The following ANXA8 variants were observed in gnomAD, a reference collection of about 807,000 sequenced individuals.
ANXA8 encodes VAC-beta.
In ANXA8, 9 loss-of-function variants were observed where a neutral mutation model predicts 26.8. The observed-to-expected ratio is 0.34, with a 90% CI of 0.20 to 0.59. The LOEUF (loss-of-function observed/expected upper bound fraction) is 0.59, where lower values mean the gene tolerates loss of function less well. Among genes scored for constraint, ANXA8 ranks in the 20% least tolerant of loss-of-function variants. The pLI is 0.84. For synonymous variants in ANXA8, 39 were observed against 94.8 expected (o/e 0.41, Z 3.42); for missense variants, 83 against 238.5 (o/e 0.35, Z 4.29).
At chr10:47,695,629 G>C in the ANXA8 span, among the ~76,000 whole-genome samples, 1 of 151,556 alleles carries the variant, frequency 6.6e-6, no homozygotes. Flanking sequence ...TAATCACTTG[G>C]AATTTATACA....
the ANXA8 span, among the ~76,000 whole-genome samples, chr10:47,956,927 G>A: frequency 6.7e-6 from 1 of 150,250 alleles, no homozygotes; most frequent in South Asian, 2.1e-4. Context: ...CCCAGATACA[G>A]GTATAGTCTC....
the ANXA8 span, among the ~76,000 whole-genome samples, chr10:47,966,912 T>C: frequency 2.1e-5 from 3 of 143,568 alleles, no homozygotes. Flanking sequence ...AATCAAGGAG[T>C]TTCCTTCTTA....
At chr10:47,895,530 C>G in the ANXA8 span, among the ~76,000 whole-genome samples, 3 of 142,770 alleles carry the variant, frequency 2.1e-5, no homozygotes, top group African/African-American at 7.9e-5. Flanking sequence ...TTCTGATGCT[C>G]TCTCTAAGAG....
chr10:47,581,807 G>A, the ANXA8 span, among the ~76,000 whole-genome samples: 36 of 150,588 alleles, frequency 2.4e-4, no homozygotes, highest in African/African-American at 8.4e-4. Flanking sequence ...GGGTTTCACC[G>A]TGTTAGCCAG....
At chr10:47,743,329 C>CATATATATATATACACGT in the ANXA8 span, among the ~76,000 whole-genome samples, 1 of 47,788 alleles carries the variant, frequency 2.1e-5, no homozygotes, top group Non-Finnish European at 4.2e-5. Context: ...TATATATATA[C>CATATATATATATACACGT]ATATATATAT....
the ANXA8 span, among the ~76,000 whole-genome samples, chr10:47,696,147 AC>A: frequency 2.6e-5 from 4 of 151,812 alleles, no homozygotes; most frequent in African/African-American, 7.3e-5. Context: ...AAGCTATTAA[AC>A]CTTTTTTATA....
chr10:47,579,143 T>A, the ANXA8 span, among the ~76,000 whole-genome samples: 1 of 142,044 alleles, frequency 7.0e-6, no homozygotes, highest in South Asian at 2.4e-4. Context: ...ATCCAGCCTG[T>A]TTTTGGTTTT....
chr10:47,976,435 T>C, the ANXA8 span, among the ~76,000 whole-genome samples: 15 of 151,506 alleles, frequency 9.9e-5, no homozygotes, highest in African/African-American at 3.6e-4. Context: ...CAGCTAGGCA[T>C]GGTGGCTCAC....
the ANXA8 span, among the ~76,000 whole-genome samples, chr10:47,595,639 G>C: frequency 1.3e-5 from 2 of 148,466 alleles, no homozygotes; most frequent in Non-Finnish European, 3.0e-5. Context: ...CAGATCTTCA[G>C]CCAAAAACAG....
At chr10:47,631,669 T>A in the ANXA8 span, among the ~76,000 whole-genome samples, 6 of 150,218 alleles carry the variant, frequency 4.0e-5, 2 homozygotes, top group Admixed American at 2.6e-4. Context: ...ATTTAAGTTA[T>A]TTTTTTTAAA....
the ANXA8 span, among the ~76,000 whole-genome samples, chr10:47,657,997 T>A: frequency 6.6e-6 from 1 of 151,822 alleles, no homozygotes; most frequent in Non-Finnish European, 1.5e-5. Context: ...CATAGAATGC[T>A]TAATGGTTTA....
chr10:47,989,751 A>G, the ANXA8 span, among the ~76,000 whole-genome samples: 2 of 94,844 alleles, frequency 2.1e-5, 1 homozygote, highest in African/African-American at 6.5e-5. Context: ...TTCCCCTGCT[A>G]TGTGGCTGCC....
At chr10:47,509,229 G>T in the ANXA8 span, among the ~76,000 whole-genome samples, 2 of 118,088 alleles carry the variant, frequency 1.7e-5, no homozygotes, top group Non-Finnish European at 3.3e-5. Flanking sequence ...AGGGACTCTA[G>T]TCAAAGTAAT....
At chr10:47,734,991 G>C in the ANXA8 span, among the ~76,000 whole-genome samples, 1 of 125,586 alleles carries the variant, frequency 8.0e-6, no homozygotes, top group Admixed American at 7.9e-5. Flanking sequence ...TTCAACTCTA[G>C]CCTGGGTGAC....
At chr10:47,681,921 G>C in the ANXA8 span, among the ~76,000 whole-genome samples, 1 of 117,002 alleles carries the variant, frequency 8.5e-6, no homozygotes, top group African/African-American at 3.3e-5. Context: ...TTTCTTCTTC[G>C]ACCTTAGGCG....
At chr10:47,484,398 C>G, upstream of ANXA8, 1 of 1,068,910 alleles carries the variant, frequency 9.4e-7, no homozygotes, top group South Asian at 1.5e-5. Flanking sequence ...TTCATCACTC[C>G]TAATAGCCAT....
At chr10:47,481,506 G>A (rs2132426082) in intron 1 of ANXA8, among the ~76,000 whole-genome samples, 1 of 143,178 alleles carries the variant, frequency 7.0e-6, no homozygotes, top group Admixed American at 7.0e-5. Context: ...CAGGTCATCT[G>A]GGAATGTGGG....
chr10:47,541,422 G>GA, the ANXA8 span, among the ~76,000 whole-genome samples: 6 of 134,920 alleles, frequency 4.4e-5, no homozygotes, highest in African/African-American at 1.4e-4. Flanking sequence ...AGACTGTATA[G>GA]AAAAAAAATC....
At chr10:47,503,384 G>A in the ANXA8 span, 87 of 1,609,778 alleles carry the variant, frequency 5.4e-5, no homozygotes, top group Admixed American at 1.3e-4. Context: ...TTGGACCAGC[G>A]CATGGACCGC....
Sources: gnomAD v4.1 joint callset for allele counts (sites outside exome capture counted in the v4.1 genomes callset) on GRCh38, gnomAD v4.1.1 for gene constraint, MANE v1.5 for transcripts, NCBI Gene and HGNC (gene_info 2026-07-23, HGNC 2026-07-21) for gene names.